JAKMIP2: variants seen among roughly 807,000 people sequenced by gnomAD.
JAKMIP2 encodes the protein janus kinase and microtubule-interacting protein 2.
In JAKMIP2, 25 loss-of-function variants were observed where a neutral mutation model predicts 115.0. The ratio of observed to expected loss-of-function variants is 0.22; its 90% CI spans 0.16 to 0.30. JAKMIP2 has a LOEUF of 0.30. Ranked by LOEUF, JAKMIP2 falls within the 10% of genes least tolerant of loss-of-function variation. The probability of loss-of-function intolerance (pLI) is 1.00; values close to 1 mark genes in which losing one functional copy is unlikely to be tolerated. For synonymous variants in JAKMIP2, 334 were observed against 343.6 expected, an observed-to-expected ratio of 0.97 and a Z score of 0.31; for missense variants, 642 against 957.6, an observed-to-expected ratio of 0.67 and a Z score of 4.35.
At chr5:147,687,854 A>C (rs12054881) in intron 1 of JAKMIP2, among the ~76,000 whole-genome samples, 2 of 152,002 alleles carry the variant, frequency 1.3e-5, no homozygotes, top group Non-Finnish European at 2.9e-5. Context: ...AAATTCATGA[A>C]GTAGGTATCA....
chr5:147,708,351 C>A (rs1415478541), intron 1 of JAKMIP2, among the ~76,000 whole-genome samples: 3 of 152,076 alleles, frequency 2.0e-5, no homozygotes, highest in Non-Finnish European at 4.4e-5. Flanking sequence ...TAGGTTCTAC[C>A]CATATAAATC....
intron 1 of JAKMIP2, among the ~76,000 whole-genome samples, chr5:147,729,943 T>C (rs1389431459): frequency 6.6e-6 from 1 of 152,158 alleles, no homozygotes; most frequent in Non-Finnish European, 1.5e-5. Context: ...GGCCATTCAT[T>C]ATCTACAAGA....
chr5:147,659,396 G>T (rs1193204114), intron 3 of JAKMIP2, among the ~76,000 whole-genome samples: 1 of 152,074 alleles, frequency 6.6e-6, no homozygotes, highest in African/African-American at 2.4e-5. Context: ...AGATGAACTG[G>T]ATACCTCGAT....
intron 1 of JAKMIP2, among the ~76,000 whole-genome samples, chr5:147,692,388 T>G (rs1345427044): frequency 6.6e-6 from 1 of 152,160 alleles, no homozygotes; most frequent in Non-Finnish European, 1.5e-5. Flanking sequence ...ACATTTCTGT[T>G]GTTTTAAGCC....
chr5:147,734,433 A>G (rs1482071692), intron 1 of JAKMIP2, among the ~76,000 whole-genome samples: 3 of 147,918 alleles, frequency 2.0e-5, no homozygotes, highest in Non-Finnish European at 4.5e-5. Context: ...GTTCTCACTC[A>G]TAAGTGGGAG....
intron 14 of JAKMIP2, among the ~76,000 whole-genome samples, chr5:147,630,042 A>T (rs1220529457): frequency 6.6e-6 from 1 of 152,172 alleles, no homozygotes; most frequent in Non-Finnish European, 1.5e-5. Context: ...AGAGTCTAGC[A>T]TGTAGTAAAA....
chr5:147,594,638 A>G (rs1012497547), intron 21 of JAKMIP2, among the ~76,000 whole-genome samples: 8 of 152,078 alleles, frequency 5.3e-5, no homozygotes, highest in South Asian at 2.1e-4. Flanking sequence ...TAATGCCACA[A>G]ACTCCAAGTC....
chr5:147,669,149 G>A (rs1265056515), intron 2 of JAKMIP2, among the ~76,000 whole-genome samples: 4 of 152,108 alleles, frequency 2.6e-5, no homozygotes, highest in Admixed American at 2.0e-4. Flanking sequence ...CTCTCTTAAA[G>A]CCTGGCCCTT....
intron 21 of JAKMIP2, among the ~76,000 whole-genome samples, chr5:147,600,331 T>C (rs1285824645): frequency 6.6e-6 from 1 of 152,192 alleles, no homozygotes; most frequent in Non-Finnish European, 1.5e-5. Context: ...GAGTGAGTTA[T>C]GAGTTCATAT....
At chr5:147,735,225 G>A (rs1408718406) in intron 1 of JAKMIP2, among the ~76,000 whole-genome samples, 12 of 152,136 alleles carry the variant, frequency 7.9e-5, no homozygotes, top group Non-Finnish European at 1.5e-4. Context: ...AAAGTGCATC[G>A]TGTGAAATTC....
intron 1 of JAKMIP2, among the ~76,000 whole-genome samples, chr5:147,679,754 A>G (rs543672274): frequency 1.1e-4 from 16 of 152,340 alleles, no homozygotes; most frequent in African/African-American, 3.4e-4. Context: ...CAGTTAAGAA[A>G]TGGCAGAGCT....
At chr5:147,624,964 C>CTATT (rs58840721) in intron 16 of JAKMIP2, among the ~76,000 whole-genome samples, 16,924 of 150,898 alleles carry the variant, frequency 0.11, 1,289 homozygotes, top group South Asian at 0.26. Flanking sequence ...CTACAAGGTA[C>CTATT]TATTTATTTA....
intron 18 of JAKMIP2, among the ~76,000 whole-genome samples, 173 bp downstream of exon 18, chr5:147,620,493 A>G (rs1418625579): frequency 6.6e-6 from 1 of 152,236 alleles, no homozygotes; most frequent in Non-Finnish European, 1.5e-5. Context: ...TCTTAGAATA[A>G]GTAAAGAGCT....
chr5:147,620,851 G>A (rs1756815544), intron 17 of JAKMIP2, 108 bp from the exon 18 acceptor site: 4 of 761,320 alleles, frequency 5.3e-6, no homozygotes, highest in Middle Eastern at 6.0e-4. Flanking sequence ...CAAATCACTA[G>A]TATTTGTAGA....
intron 16 of JAKMIP2, among the ~76,000 whole-genome samples, chr5:147,626,178 T>C (rs190474403): frequency 6.6e-6 from 1 of 152,312 alleles, no homozygotes; most frequent in Non-Finnish European, 1.5e-5. Context: ...AGACAAGAGA[T>C]AAATTTAATC....
intron 1 of JAKMIP2, among the ~76,000 whole-genome samples, chr5:147,701,646 T>C (rs901718081): frequency 2.0e-4 from 30 of 152,238 alleles, no homozygotes; most frequent in Non-Finnish European, 3.4e-4. Flanking sequence ...TGCCAGAAAA[T>C]AATTTTGTCC....
In JAKMIP2 at chr5:147,612,324, T is replaced by C; in HGVS notation, c.2394A>G (p.Ile798Met). 1 of 1,553,496 alleles carries C rather than the reference T, an allele frequency of 6.4e-7. No individual in the cohort carries two copies. Among genetic ancestry groups the C allele is most frequent in the Non-Finnish European group, 8.9e-7 (1 of 1,129,668 alleles). The change falls in exon 20 of 22, where the codon ATA (isoleucine) becomes ATG (methionine). Residue 798 changes from isoleucine to methionine, a missense_variant. Transcript: ENST00000616793. ...EDKTDIQKRQ[I>M]KDLEEKFLFL... is the part of the protein sequence containing the mutation. ...CACCTACCTTTTCTTCTAAGTCTTT[T>C]ATTTGTCTTTTCTGGATGTCTGTTT...
At chr5:147,669,654 C>T (rs554793814) in intron 2 of JAKMIP2, among the ~76,000 whole-genome samples, 3 of 152,308 alleles carry the variant, frequency 2.0e-5, no homozygotes, top group African/African-American at 7.2e-5. Flanking sequence ...CCTGTCATAA[C>T]TGCAATTAAA....
chr5:147,728,342 A>T (rs1753598438), intron 1 of JAKMIP2, among the ~76,000 whole-genome samples: 1 of 152,176 alleles, frequency 6.6e-6, no homozygotes, highest in Non-Finnish European at 1.5e-5. Context: ...TTGCCTTGCA[A>T]TAAAATGCAT....
Sources: allele counts gnomAD v4.1 joint callset (sites outside exome capture counted in the v4.1 genomes callset), GRCh38; gene constraint gnomAD v4.1.1; transcripts MANE v1.5; gene names NCBI Gene and HGNC (gene_info 2026-07-23, HGNC 2026-07-21).